DPP6: variants seen among roughly 807,000 people sequenced by gnomAD.
DPP6 encodes the protein dipeptidyl peptidase like 6.
DPP6 carries 69 observed loss-of-function variants against 122.6 expected under a neutral mutation model. The ratio of observed to expected loss-of-function variants is 0.56; its 90% CI spans 0.46 to 0.69. The LOEUF is 0.69. Among genes scored for constraint, DPP6 ranks in the 30% least tolerant of loss-of-function variants. The probability of loss-of-function intolerance (pLI) is 0.00; values close to 1 mark genes in which losing one functional copy is unlikely to be tolerated. For missense variants in DPP6, 928 were observed against 1,116.9 expected, an observed-to-expected ratio of 0.83 and a Z score of 2.41; for synonymous variants, 418 against 433.1, an observed-to-expected ratio of 0.97 and a Z score of 0.43.
intron 2 of DPP6, among the ~76,000 whole-genome samples, chr7:154,452,394 G>A (rs886889267): frequency 6.6e-6 from 1 of 152,182 alleles, no homozygotes; most frequent in African/African-American, 2.4e-5. Flanking sequence ...AGTGAAAGAT[G>A]ACAGTCAGTC....
chr7:154,319,767 C>A (rs184021797), intron 1 of DPP6, among the ~76,000 whole-genome samples: 11 of 151,694 alleles, frequency 7.3e-5, no homozygotes, highest in African/African-American at 2.4e-4. Flanking sequence ...CTGAGGTGGG[C>A]AGATCACGAG....
chr7:154,459,068 A>C (rs1288160492), intron 2 of DPP6, among the ~76,000 whole-genome samples: 2 of 152,106 alleles, frequency 1.3e-5, no homozygotes, highest in East Asian at 3.8e-4. Context: ...ACATACATTC[A>C]ATTAAACAGA....
At chr7:154,208,078 G>T (rs1799546534) in intron 1 of DPP6, among the ~76,000 whole-genome samples, 1 of 152,138 alleles carries the variant, frequency 6.6e-6, no homozygotes, top group African/African-American at 2.4e-5. Context: ...TTGGTTACTG[G>T]TTCCTTGTTA....
At chr7:154,511,608 G>C (rs796360692) in intron 3 of DPP6, among the ~76,000 whole-genome samples, 6 of 152,280 alleles carry the variant, frequency 3.9e-5, no homozygotes, top group African/African-American at 7.2e-5. Flanking sequence ...AGAGATGATT[G>C]TTTTAGTTGT....
At chr7:154,566,256 G>C (rs73483858) in intron 4 of DPP6, among the ~76,000 whole-genome samples, 3 of 151,978 alleles carry the variant, frequency 2.0e-5, no homozygotes, top group Non-Finnish European at 4.4e-5. Flanking sequence ...GCTTTTTAAC[G>C]CTTATTTCTT....
At chr7:154,412,710 A>G (rs963867738) in intron 1 of DPP6, among the ~76,000 whole-genome samples, 1 of 151,990 alleles carries the variant, frequency 6.6e-6, no homozygotes, top group African/African-American at 2.4e-5. Context: ...GAAGTTTTGC[A>G]TTGTTATACA....
chr7:154,637,214 T>G (rs545273355), intron 5 of DPP6, among the ~76,000 whole-genome samples: 1 of 152,160 alleles, frequency 6.6e-6, no homozygotes, highest in Non-Finnish European at 1.5e-5. Context: ...GGAAGCACTG[T>G]TTTTCTGGTT....
chr7:154,565,778 G>A lies in DPP6; in HGVS notation c.553-1064G>A, dbSNP rs111681533. ...GACCTCAGGTGATCCACCCGCCTCG[G>A]CCTCCCAAAGTGCTGGGATTACAGG... On this transcript the variant is annotated intron_variant, in intron 4 of 25. Transcript: ENST00000377770. Among the ~76,000 whole-genome samples, 1,142 of 152,306 alleles carry A rather than the reference G, an allele frequency of 7.5e-3. 18 individuals are homozygous for A. Among genetic ancestry groups the A allele is most frequent in the African/African-American group, 0.026 (1,065 of 41,554 alleles).
At chr7:154,220,491 G>T (rs1446095066) in intron 1 of DPP6, among the ~76,000 whole-genome samples, 1 of 152,164 alleles carries the variant, frequency 6.6e-6, no homozygotes, top group Admixed American at 6.5e-5. Flanking sequence ...CCTGGGTGAT[G>T]AAATAATCTG....
chr7:154,051,606 T>C (rs1438124439), upstream of DPP6, among the ~76,000 whole-genome samples: 3 of 147,414 alleles, frequency 2.0e-5, no homozygotes, highest in Admixed American at 6.7e-5. Context: ...CCTCCCTCGC[T>C]CTCGGCGGGC....
At chr7:154,634,295 A>G (rs2130910715) in intron 5 of DPP6, among the ~76,000 whole-genome samples, 1 of 151,356 alleles carries the variant, frequency 6.6e-6, no homozygotes, top group South Asian at 2.1e-4. Context: ...GTTTGCTGAG[A>G]ATGATGGTTT....
chr7:154,885,308 A>G (rs1806053093), intron 21 of DPP6: 1 of 245,780 alleles, frequency 4.1e-6, no homozygotes, highest in Non-Finnish European at 7.9e-6. Context: ...AATGCCATAA[A>G]GAGACGCTGA....
rs971003412 is a variant in DPP6 at position 154,877,930 on chromosome 7, C to A, written c.2078+1830C>A. On this transcript the variant is annotated intron_variant, in intron 20 of 25. Transcript: ENST00000377770. This position sits in a 1 kb window ranked among gnomAD's most constrained non-coding sequence, Gnocchi z 5.2. ...GCTGCTGGGTCAGCAGCGGGCAGTG[C>A]CAGCCACAGAGGACTCCCAGGACAC... 1.1e-4 allele frequency among the ~76,000 whole-genome samples: 16 copies of A among 152,176 alleles called. No homozygotes were observed. The highest frequency in any genetic ancestry group is 3.9e-4 in the African/African-American group (16 of 41,454).
In DPP6 at chr7:154,804,935, G is replaced by A. The variant is rs1388022940; in HGVS notation, c.1518G>A (p.Glu506=). Residue 506 remains glutamate (E), a synonymous_variant, in exon 15 of 26, where the codon GAG becomes GAA. Transcript: ENST00000377770. ...TTTGCAGCTACTTCCTGAGCACGGAGGACCTGCCTCGGAGACGACAACTCT... is the reference window on the plus strand; with the variant it reads ...TTTGCAGCTACTTCCTGAGCACGGAAGACCTGCCTCGGAGACGACAACTCT... ...KGNKIYFLST[E]DLPRRRQLYS... is the part of the protein sequence containing the mutation. 1 of 1,603,162 alleles carries A rather than the reference G, an allele frequency of 6.2e-7. No individual in the cohort carries two copies. The highest frequency in any genetic ancestry group is 8.5e-7 in the Non-Finnish European group (1 of 1,174,664).
chr7:154,086,303 A>C (rs2150538851), intron 1 of DPP6, among the ~76,000 whole-genome samples: 1 of 147,368 alleles, frequency 6.8e-6, no homozygotes, highest in Non-Finnish European at 1.5e-5. Context: ...TAACTAAAGA[A>C]GGAGGAAAAC....
chr7:154,484,984 A>T (rs1298018972), intron 3 of DPP6, among the ~76,000 whole-genome samples: 1 of 151,806 alleles, frequency 6.6e-6, no homozygotes, highest in African/African-American at 2.4e-5. Context: ...AATAAAGCTT[A>T]TGGGGTTAGG....
the DPP6 span, among the ~76,000 whole-genome samples, chr7:153,808,190 TGTGTGTGTGCCTGA>T: frequency 0.02 from 2,894 of 142,026 alleles, 106 homozygotes; most frequent in African/African-American, 0.067. Context: ...TGCCACTGTG[TGTGTGTGTGCCTGA>T]GTGTGTGTGC....
intron 3 of DPP6, among the ~76,000 whole-genome samples, chr7:154,509,728 T>G (rs1003119125): frequency 5.3e-5 from 8 of 152,216 alleles, no homozygotes; most frequent in Non-Finnish European, 2.9e-5. Context: ...AACCCAAATG[T>G]ACATTTGTGT....
intron 7 of DPP6, among the ~76,000 whole-genome samples, chr7:154,678,918 G>C (rs1839106606): frequency 6.6e-6 from 1 of 152,196 alleles, no homozygotes; most frequent in African/African-American, 2.4e-5. Flanking sequence ...TCGAAGTACA[G>C]GCTGTGGAGC....
Sources: gnomAD v4.1 joint callset for allele counts (sites outside exome capture counted in the v4.1 genomes callset) on GRCh38, gnomAD v4.1.1 for gene constraint, Gnocchi (gnomAD v3.1) non-coding constraint, MANE v1.5 for transcripts, NCBI Gene and HGNC (gene_info 2026-07-23, HGNC 2026-07-21) for gene names.